TAFA2: variants seen among roughly 807,000 people sequenced by gnomAD.
TAFA2 encodes the protein TAFA chemokine like family member 2, also known as chemokine-like protein TAFA-2.
A neutral mutation model predicts 18.8 loss-of-function variants in TAFA2; 7 were observed. The ratio of observed to expected loss-of-function variants is 0.37; its 90% confidence interval spans 0.21 to 0.70. TAFA2 has a LOEUF of 0.70. TAFA2 is among the 30% of genes least tolerant of loss of function. The probability of loss-of-function intolerance (pLI) is 0.53; values close to 1 mark genes in which losing one functional copy is unlikely to be tolerated. For missense variants in TAFA2, 122 were observed against 158.1 expected, an observed-to-expected ratio of 0.77 and a Z score of 1.23; for synonymous variants, 60 against 54.2, an observed-to-expected ratio of 1.11 and a Z score of -0.47.
intron 4 of TAFA2, among the ~76,000 whole-genome samples, chr12:61,742,969 C>A (rs1868525214): frequency 6.6e-6 from 1 of 151,934 alleles, no homozygotes; most frequent in Admixed American, 6.6e-5. Context: ...ATAAATCAGA[C>A]CCTTCTCCTC....
intron 2 of TAFA2, among the ~76,000 whole-genome samples, chr12:61,773,202 A>C (rs144949111): frequency 0.014 from 2,135 of 152,174 alleles, 98 homozygotes; most frequent in Admixed American, 0.091. Flanking sequence ...GAAAGAAATC[A>C]TAGATGATGT....
intron 2 of TAFA2, among the ~76,000 whole-genome samples, chr12:61,855,482 C>T (rs1196719373): frequency 6.6e-6 from 1 of 151,988 alleles, no homozygotes; most frequent in African/African-American, 2.4e-5. Context: ...AATTTTGATC[C>T]AGAACAACAG....
At chr12:62,169,007 A>C (rs112141359) in intron 1 of TAFA2, among the ~76,000 whole-genome samples, 3 of 151,982 alleles carry the variant, frequency 2.0e-5, no homozygotes, top group African/African-American at 7.2e-5. Flanking sequence ...TATATTTAAA[A>C]ATTGGGGAAA....
chr12:62,120,870 T>C (rs1382095469), intron 1 of TAFA2, among the ~76,000 whole-genome samples: 1 of 151,610 alleles, frequency 6.6e-6, no homozygotes, highest in Non-Finnish European at 1.5e-5. Flanking sequence ...TTATTTATTT[T>C]TGGAGATGGA....
intron 1 of TAFA2, among the ~76,000 whole-genome samples, chr12:62,080,343 A>G (rs1459274877): frequency 6.6e-6 from 1 of 152,200 alleles, no homozygotes; most frequent in Non-Finnish European, 1.5e-5. Flanking sequence ...AGTCCCTTTT[A>G]TTCACAGTTC....
chr12:61,850,943 T>C (rs1873616466), intron 2 of TAFA2, among the ~76,000 whole-genome samples: 3 of 152,196 alleles, frequency 2.0e-5, no homozygotes, highest in Non-Finnish European at 4.4e-5. Flanking sequence ...ATATCTGCTA[T>C]CATGATTGAT....
intron 1 of TAFA2, among the ~76,000 whole-genome samples, chr12:61,911,645 G>A (rs1876618389): frequency 6.6e-6 from 1 of 152,046 alleles, no homozygotes; most frequent in African/African-American, 2.4e-5. Flanking sequence ...TTTGTTGTCT[G>A]GGGCAGAGCA....
At chr12:62,038,565 A>T (rs1000120901) in intron 1 of TAFA2, among the ~76,000 whole-genome samples, 1 of 152,206 alleles carries the variant, frequency 6.6e-6, no homozygotes, top group African/African-American at 2.4e-5. Context: ...ACAGTTTTAC[A>T]TAAGGAACTT....
At chr12:61,746,328 T>G (rs1197137594) in intron 4 of TAFA2, among the ~76,000 whole-genome samples, 1 of 152,118 alleles carries the variant, frequency 6.6e-6, no homozygotes, top group East Asian at 1.9e-4. Context: ...TCCCCAGCAA[T>G]GTGGAACTGT....
intron 2 of TAFA2, among the ~76,000 whole-genome samples, chr12:61,766,800 C>T (rs1280931711): frequency 6.6e-6 from 1 of 152,018 alleles, no homozygotes; most frequent in African/African-American, 2.4e-5. Flanking sequence ...CCAGTCCAGG[C>T]TTAGATAAAC....
intron 4 of TAFA2, among the ~76,000 whole-genome samples, chr12:61,746,806 A>C (rs1283053263): frequency 1.3e-5 from 2 of 152,130 alleles, no homozygotes; most frequent in Non-Finnish European, 2.9e-5. Flanking sequence ...AGAATCTGAC[A>C]ATAGGAGGCA....
At chr12:61,792,955 T>C (rs1871044628) in intron 2 of TAFA2, among the ~76,000 whole-genome samples, 1 of 151,642 alleles carries the variant, frequency 6.6e-6, no homozygotes, top group Non-Finnish European at 1.5e-5. Context: ...CAGTCAAATA[T>C]ACATTTGTTT....
At chr12:62,055,193 A>G (rs991483556) in intron 1 of TAFA2, among the ~76,000 whole-genome samples, 2 of 152,188 alleles carry the variant, frequency 1.3e-5, no homozygotes, top group African/African-American at 4.8e-5. Flanking sequence ...ATCTGCCAGC[A>G]CCTTGATCTT....
chr12:62,226,506 CT>C (rs1334390158), intron 1 of TAFA2, among the ~76,000 whole-genome samples: 1 of 152,118 alleles, frequency 6.6e-6, no homozygotes, highest in Non-Finnish European at 1.5e-5. Context: ...CTTGATTACT[CT>C]TTTAAGCAAT....
chr12:61,909,837 T>C (rs1876524263), intron 1 of TAFA2, among the ~76,000 whole-genome samples: 1 of 152,132 alleles, frequency 6.6e-6, no homozygotes. Context: ...GTTTGGAATA[T>C]TCCCTGAGAA....
intron 1 of TAFA2, among the ~76,000 whole-genome samples, chr12:61,900,225 G>GA (rs1876038536): frequency 6.6e-6 from 1 of 152,148 alleles, no homozygotes. Context: ...TTATGCATGA[G>GA]AAAAAATTAT....
intron 1 of TAFA2, among the ~76,000 whole-genome samples, chr12:62,032,465 CATT>C (rs1261502469): frequency 6.6e-6 from 1 of 152,082 alleles, no homozygotes; most frequent in Non-Finnish European, 1.5e-5. Flanking sequence ...GAATAAAAAA[CATT>C]ATGTTTGTAC....
intron 1 of TAFA2, among the ~76,000 whole-genome samples, chr12:61,992,127 T>C (rs1378908578): frequency 1.3e-5 from 2 of 152,202 alleles, no homozygotes; most frequent in Non-Finnish European, 2.9e-5. Context: ...GGCAGACTTC[T>C]CTCAAATTTG....
At chr12:62,007,612 T>A (rs11174279) in intron 1 of TAFA2, among the ~76,000 whole-genome samples, 29,427 of 152,126 alleles carry the variant, frequency 0.19, 3,087 homozygotes, top group African/African-American at 0.27. Context: ...TGTAATTTTA[T>A]AAAGATAGCT....
Sources: gnomAD v4.1 joint callset for allele counts (sites outside exome capture counted in the v4.1 genomes callset) on GRCh38, gnomAD v4.1.1 for gene constraint, MANE v1.5 for transcripts, NCBI Gene and HGNC (gene_info 2026-07-23, HGNC 2026-07-21) for gene names.